L3MBTL4: variants seen among roughly 807,000 people sequenced by gnomAD.
L3MBTL4 encodes the protein L3MBTL histone methyl-lysine binding protein 4, also known as lethal(3)malignant brain tumor-like protein 4.
L3MBTL4 carries 70 observed loss-of-function variants against 84.5 expected under a neutral mutation model. The ratio of observed to expected loss-of-function variants is 0.83; its 90% CI spans 0.68 to 1.01. The LOEUF (loss-of-function observed/expected upper bound fraction) is 1.01, where lower values mean the gene tolerates loss of function less well. Ranked by LOEUF, L3MBTL4 falls within the 50% of genes least tolerant of loss-of-function variation. L3MBTL4 has a pLI of 0.00. For synonymous variants in L3MBTL4, 274 were observed against 259.8 expected, an observed-to-expected ratio of 1.05 and a Z score of -0.52; for missense variants, 715 against 754.8, an observed-to-expected ratio of 0.95 and a Z score of 0.62.
chr18:6,274,272 T>G (rs1411987706), intron 4 of L3MBTL4, among the ~76,000 whole-genome samples: 1 of 152,200 alleles, frequency 6.6e-6, no homozygotes, highest in East Asian at 1.9e-4. Flanking sequence ...TCAAAAACTC[T>G]GGGAGTAGGG....
chr18:6,328,340 A>T (rs2051835751), intron 1 of L3MBTL4, among the ~76,000 whole-genome samples: 1 of 152,234 alleles, frequency 6.6e-6, no homozygotes, highest in African/African-American at 2.4e-5. Context: ...TAGAACTGGA[A>T]TCTAAATTTT....
At chr18:6,177,687 A>G (rs78821190) in intron 12 of L3MBTL4, among the ~76,000 whole-genome samples, 2,471 of 152,274 alleles carry the variant, frequency 0.016, 65 homozygotes, top group African/African-American at 0.056. Flanking sequence ...GTCTCCTACT[A>G]TCTTCTACTG....
intron 1 of L3MBTL4, among the ~76,000 whole-genome samples, chr18:6,412,245 T>C (rs1383880160): frequency 6.6e-6 from 1 of 152,118 alleles, no homozygotes; most frequent in Non-Finnish European, 1.5e-5. Flanking sequence ...GTCTTTGGTT[T>C]TCTCAATCCA....
intron 12 of L3MBTL4, among the ~76,000 whole-genome samples, chr18:6,205,736 T>C (rs1035723245): frequency 6.6e-6 from 1 of 152,226 alleles, no homozygotes; most frequent in Non-Finnish European, 1.5e-5. Context: ...GCTTCGTTAG[T>C]CCATTATTCA....
At chr18:6,264,728 G>A (rs1486337714) in intron 4 of L3MBTL4, among the ~76,000 whole-genome samples, 2 of 152,146 alleles carry the variant, frequency 1.3e-5, no homozygotes, top group Non-Finnish European at 2.9e-5. Flanking sequence ...AGGTTGCAGT[G>A]AGCCGAGATC....
intron 16 of L3MBTL4, among the ~76,000 whole-genome samples, chr18:6,076,735 T>C (rs1345527741): frequency 1.3e-5 from 2 of 152,220 alleles, no homozygotes; most frequent in Non-Finnish European, 1.5e-5. Flanking sequence ...TCAACAATGC[T>C]TATCTCTTTC....
At chr18:6,016,428 G>A (rs1757398634) in intron 16 of L3MBTL4, among the ~76,000 whole-genome samples, 1 of 152,180 alleles carries the variant, frequency 6.6e-6, no homozygotes, top group Non-Finnish European at 1.5e-5. Context: ...TAAGGGGCAT[G>A]TGTTTTTATC....
At chr18:5,978,114 G>A (rs138306806) in intron 16 of L3MBTL4, among the ~76,000 whole-genome samples, 68 of 152,292 alleles carry the variant, frequency 4.5e-4, no homozygotes, top group Admixed American at 1.4e-3. Flanking sequence ...ATAAGGCAGT[G>A]GCAAATGCTG....
intron 12 of L3MBTL4, among the ~76,000 whole-genome samples, chr18:6,197,797 C>A (rs941823139): frequency 2.6e-5 from 4 of 152,198 alleles, no homozygotes; most frequent in African/African-American, 9.7e-5. Flanking sequence ...AAGGTTCCTG[C>A]CAGACCCAGA....
At chr18:6,215,179 T>C (rs1230029766) in intron 11 of L3MBTL4, among the ~76,000 whole-genome samples, 1 of 152,210 alleles carries the variant, frequency 6.6e-6, no homozygotes, top group African/African-American at 2.4e-5. Flanking sequence ...TGAAAACCGC[T>C]GGTTTAGGTT....
intron 1 of L3MBTL4, among the ~76,000 whole-genome samples, chr18:6,312,507 C>T (rs1400929734): frequency 6.6e-6 from 1 of 152,170 alleles, no homozygotes. Flanking sequence ...AGAGCTTCCT[C>T]TTACAGTTGT....
At chr18:6,336,755 A>G (rs930873415) in intron 1 of L3MBTL4, among the ~76,000 whole-genome samples, 2 of 152,250 alleles carry the variant, frequency 1.3e-5, no homozygotes, top group South Asian at 2.1e-4. Flanking sequence ...TACAACCTCT[A>G]TAACTTTTTA....
At chr18:6,256,943 G>A (rs1236168633) in intron 5 of L3MBTL4, 1 of 152,386 alleles carries the variant, frequency 6.6e-6, no homozygotes, top group African/African-American at 2.4e-5. Flanking sequence ...CAGGGGGTCG[G>A]TGGTCAGAGC....
At chr18:6,065,225 A>AT (rs889498336) in intron 16 of L3MBTL4, among the ~76,000 whole-genome samples, 3 of 151,598 alleles carry the variant, frequency 2.0e-5, no homozygotes, top group African/African-American at 4.8e-5. Flanking sequence ...TATTATTATT[A>AT]TTTTTTGATG....
At chr18:6,051,183 G>A (rs1233483399) in intron 16 of L3MBTL4, among the ~76,000 whole-genome samples, 1 of 152,186 alleles carries the variant, frequency 6.6e-6, no homozygotes, top group East Asian at 1.9e-4. Context: ...AAATTCTGCC[G>A]ACTCTGGGGC....
chr18:6,218,462 A>C (rs778446374), intron 10 of L3MBTL4, among the ~76,000 whole-genome samples: 3 of 152,116 alleles, frequency 2.0e-5, no homozygotes, highest in Non-Finnish European at 4.4e-5. Flanking sequence ...AGGAAACCTG[A>C]GTGTAGGGGA....
chr18:6,298,222 G>A (rs2050185339), intron 4 of L3MBTL4, among the ~76,000 whole-genome samples: 1 of 152,004 alleles, frequency 6.6e-6, no homozygotes, highest in African/African-American at 2.4e-5. Flanking sequence ...CGTTAATTTG[G>A]TAAGTTAAAA....
intron 15 of L3MBTL4, chr18:6,082,562 T>C (rs2058115962): frequency 6.6e-6 from 1 of 152,108 alleles, no homozygotes; most frequent in Admixed American, 6.6e-5. Flanking sequence ...TATTTCCCCC[T>C]CAATTTTACA....
intron 1 of L3MBTL4, among the ~76,000 whole-genome samples, chr18:6,412,578 G>A (rs774872294): frequency 6.6e-6 from 1 of 151,990 alleles, no homozygotes; most frequent in Non-Finnish European, 1.5e-5. Flanking sequence ...GGAAGAACTC[G>A]AGGGCTTTCC....
Sources: gnomAD v4.1 joint callset for allele counts (sites outside exome capture counted in the v4.1 genomes callset) on GRCh38, gnomAD v4.1.1 for gene constraint, MANE v1.5 for transcripts, NCBI Gene and HGNC (gene_info 2026-07-23, HGNC 2026-07-21) for gene names.